TTC13: variants seen among roughly 807,000 people sequenced by gnomAD.
TTC13 encodes tetratricopeptide repeat domain 13.
TTC13 carries 62 observed loss-of-function variants against 120.0 expected under a neutral mutation model. The ratio of observed to expected loss-of-function variants is 0.52; its 90% CI spans 0.42 to 0.64. The LOEUF (loss-of-function observed/expected upper bound fraction) is 0.64, where lower values mean the gene tolerates loss of function less well. Ranked by LOEUF, TTC13 falls within the 30% of genes least tolerant of loss-of-function variation. TTC13 has a pLI of 0.00. For missense variants in TTC13, 824 were observed against 1,050.2 expected, an observed-to-expected ratio of 0.78 and a Z score of 2.98; for synonymous variants, 384 against 393.5, an observed-to-expected ratio of 0.98 and a Z score of 0.28.
At chr1:230,932,378 G>A (rs906590924) in intron 9 of TTC13, among the ~76,000 whole-genome samples, 2 of 151,102 alleles carry the variant, frequency 1.3e-5, no homozygotes, top group Non-Finnish European at 2.9e-5. Context: ...GAAAAAAGAA[G>A]TGTATTTTAG....
intron 7 of TTC13, among the ~76,000 whole-genome samples, chr1:230,939,763 A>G (rs1382925767): frequency 6.6e-6 from 1 of 152,220 alleles, no homozygotes; most frequent in African/African-American, 2.4e-5. Flanking sequence ...TTTATCTCAA[A>G]TAGTATTATG....
chr1:230,967,301 T>C (rs1431611452), intron 1 of TTC13, among the ~76,000 whole-genome samples: 1 of 152,180 alleles, frequency 6.6e-6, no homozygotes, highest in Non-Finnish European at 1.5e-5. Context: ...GATAAAACTT[T>C]TTCACCTAAC....
At chr1:230,975,464 T>C (rs1678190305) in intron 1 of TTC13, among the ~76,000 whole-genome samples, 1 of 152,156 alleles carries the variant, frequency 6.6e-6, no homozygotes, top group African/African-American at 2.4e-5. Context: ...ACTAAAAAAG[T>C]GAGGAAAGAA....
intron 9 of TTC13, 22 bp from the exon 10 acceptor site, chr1:230,931,899 T>C (rs760399422): frequency 8.7e-6 from 14 of 1,611,108 alleles, no homozygotes; most frequent in Non-Finnish European, 1.2e-5. Context: ...ATAATAGTTA[T>C]GAATACAGTA....
In TTC13 at chr1:230,923,541, A is replaced by G. The variant is rs1176458558; in HGVS notation, c.1814+300T>C. Among the ~76,000 whole-genome samples, 4 of 152,224 alleles carry G rather than the reference A, an allele frequency of 2.6e-5. No homozygotes were observed. The South Asian group carries it at 8.3e-4, about 32-fold the overall frequency. On this transcript the variant is annotated intron_variant, in intron 15 of 22. Transcript: ENST00000366661. ...AATGTTCTCCATCTAATAATTTTCT[A>G]TATTTTAAGACTCCTTAAAGACTGA...
intron 1 of TTC13, among the ~76,000 whole-genome samples, chr1:230,963,029 A>G (rs1454536000): frequency 6.6e-6 from 1 of 152,192 alleles, no homozygotes; most frequent in African/African-American, 2.4e-5. Context: ...AATGCCACTG[A>G]ACTGTTTGCT....
intron 4 of TTC13, among the ~76,000 whole-genome samples, chr1:230,951,761 GAA>G (rs142094583): frequency 0.021 from 2,374 of 114,430 alleles, 57 homozygotes; most frequent in African/African-American, 0.069. Context: ...AAACAAAAAA[GAA>G]AAGAGTAATT....
chr1:230,917,216 C>CTA (rs1310576774), intron 17 of TTC13, among the ~76,000 whole-genome samples: 3 of 152,122 alleles, frequency 2.0e-5, no homozygotes, highest in Non-Finnish European at 2.9e-5. Flanking sequence ...AGAAGAAATG[C>CTA]GTTAACACAC....
intron 2 of TTC13, 123 bp downstream of exon 2, chr1:230,961,086 T>C (rs1676591307): frequency 1.5e-6 from 1 of 650,384 alleles, no homozygotes. Context: ...GACCTATCTT[T>C]ATCCTATGCA....
Position 230,945,379 on chromosome 1 carries a change from A to G in TTC13, c.579+10T>C. 6.2e-7 allele frequency: 1 copy of G among 1,612,568 alleles called. No homozygotes were observed. Among genetic ancestry groups the G allele is most frequent in the Non-Finnish European group, 8.5e-7 (1 of 1,178,528 alleles). On this transcript the variant is annotated intron_variant, in intron 5 of 22. Transcript: ENST00000366661. ...AGGCGCTATGGCAATCGTAACTATT[A>G]CATACTCACATGTAGTCCCTTCTTT...
At chr1:230,955,589 T>A (rs1283010191) in intron 3 of TTC13, among the ~76,000 whole-genome samples, 1 of 146,050 alleles carries the variant, frequency 6.8e-6, no homozygotes, top group African/African-American at 2.6e-5. Context: ...GAGAATGGCA[T>A]GAACCCAGGA....
chr1:230,976,608 A>G (rs985100251), intron 1 of TTC13, among the ~76,000 whole-genome samples: 1 of 152,180 alleles, frequency 6.6e-6, no homozygotes, highest in Admixed American at 6.5e-5. Flanking sequence ...CAGCCAGGGG[A>G]GGTGATCTGA....
At chr1:230,962,455 G>C (rs181498874) in intron 1 of TTC13, among the ~76,000 whole-genome samples, 2 of 152,228 alleles carry the variant, frequency 1.3e-5, no homozygotes, top group East Asian at 3.9e-4. Context: ...AAAACAACAA[G>C]CAGTAGCAAG....
chr1:230,951,227 T>C (rs761287351), intron 4 of TTC13, among the ~76,000 whole-genome samples: 1 of 152,220 alleles, frequency 6.6e-6, no homozygotes, highest in Non-Finnish European at 1.5e-5. Flanking sequence ...ACCCTTTATA[T>C]GTAGATTTGA....
chr1:230,947,859 G>A (rs963255625), intron 4 of TTC13, among the ~76,000 whole-genome samples: 1 of 152,146 alleles, frequency 6.6e-6, no homozygotes, highest in Non-Finnish European at 1.5e-5. Context: ...CACACCCGTG[G>A]CCGGGGCTGG....
At chr1:230,916,518 C>T (rs754311860) in intron 17 of TTC13, among the ~76,000 whole-genome samples, 2 of 152,144 alleles carry the variant, frequency 1.3e-5, no homozygotes, top group Non-Finnish European at 2.9e-5. Flanking sequence ...CTACCAGAGG[C>T]CAGCAGAGAA....
chr1:230,916,367 C>T (rs1672029926), intron 17 of TTC13, 65 bp from the exon 18 acceptor site: 1 of 1,142,206 alleles, frequency 8.8e-7, no homozygotes, highest in Non-Finnish European at 1.3e-6. Flanking sequence ...AACTGCAACT[C>T]TGTAGTGCTG....
chr1:230,922,900 G>A (rs1481454429), intron 15 of TTC13, among the ~76,000 whole-genome samples: 1 of 152,028 alleles, frequency 6.6e-6, no homozygotes, highest in Non-Finnish European at 1.5e-5. Context: ...GCTGATCTAC[G>A]GTAGCCTTCG....
chr1:230,910,479 G>A (rs966007887), intron 20 of TTC13, among the ~76,000 whole-genome samples: 1 of 152,196 alleles, frequency 6.6e-6, no homozygotes, highest in Non-Finnish European at 1.5e-5. Flanking sequence ...TAGCTGTGGC[G>A]GGTACAGGGA....
Sources: allele counts gnomAD v4.1 joint callset (sites outside exome capture counted in the v4.1 genomes callset), GRCh38; gene constraint gnomAD v4.1.1; transcripts MANE v1.5; gene names NCBI Gene and HGNC (gene_info 2026-07-23, HGNC 2026-07-21).